Variants in GRIK2 observed in about 807,000 individuals in gnomAD.
GRIK2 encodes the protein glutamate ionotropic receptor kainate type subunit 2, also known as glutamate receptor ionotropic, kainate 2.
A neutral mutation model predicts 100.3 loss-of-function variants in GRIK2; 32 were observed. The observed-to-expected ratio is 0.32, with a 90% CI of 0.24 to 0.43. The LOEUF (loss-of-function observed/expected upper bound fraction) is 0.43. Among genes scored for constraint, GRIK2 ranks in the 20% least tolerant of loss-of-function variants. The probability of loss-of-function intolerance (pLI) is 1.00; values close to 1 mark genes in which losing one functional copy is unlikely to be tolerated. For missense variants in GRIK2, 843 were observed against 1,114.9 expected (o/e 0.76, Z 3.47); for synonymous variants, 417 against 389.4 (o/e 1.07, Z -0.83).
chr6:101,854,202 G>A (rs538979682), intron 10 of GRIK2, among the ~76,000 whole-genome samples: 7 of 152,246 alleles, frequency 4.6e-5, no homozygotes, highest in Admixed American at 1.3e-4. Flanking sequence ...TATGTGAAAT[G>A]TCTGTACCTT....
At chr6:102,042,447 T>TAAAC (rs1272032484) in intron 15 of GRIK2, among the ~76,000 whole-genome samples, 1 of 151,634 alleles carries the variant, frequency 6.6e-6, no homozygotes, top group East Asian at 1.9e-4. Flanking sequence ...ATATTGGACA[T>TAAAC]AAACAAATAC....
chr6:101,397,535 T>C (rs1775059472), intron 1 of GRIK2, among the ~76,000 whole-genome samples: 2 of 152,216 alleles, frequency 1.3e-5, no homozygotes, highest in Non-Finnish European at 2.9e-5. Context: ...AGTTATTGCC[T>C]CCATCTTAAA....
chr6:101,776,293 C>A (rs1189969117), intron 7 of GRIK2, among the ~76,000 whole-genome samples: 1 of 152,028 alleles, frequency 6.6e-6, no homozygotes, highest in African/African-American at 2.4e-5. Context: ...TTTGATTACC[C>A]TTATTAATTT....
intron 7 of GRIK2, among the ~76,000 whole-genome samples, chr6:101,786,100 A>C (rs1779405456): frequency 6.6e-6 from 1 of 151,968 alleles, no homozygotes; most frequent in Non-Finnish European, 1.5e-5. Context: ...TACCTTCTTG[A>C]TAGTTTGGCT....
intron 14 of GRIK2, among the ~76,000 whole-genome samples, chr6:102,030,282 T>C (rs969729735): frequency 6.6e-6 from 1 of 151,284 alleles, no homozygotes; most frequent in African/African-American, 2.4e-5. Context: ...TCCTTTCTTT[T>C]GAAACATCCG....
chr6:101,681,699 T>G (rs1337961008), intron 5 of GRIK2, among the ~76,000 whole-genome samples: 1 of 152,204 alleles, frequency 6.6e-6, no homozygotes, highest in Non-Finnish European at 1.5e-5. Context: ...AGAATGTAGT[T>G]GAGGCAGCTA....
rs113681259 is a variant in GRIK2 at position 101,536,215 on chromosome 6, G to A, written c.116-85734G>A. ...AAAGCGTTCAGGGATGATGTACATT[G>A]CTTCAACATACTCTATTCATGTTGT... On this transcript the variant is annotated intron_variant, in intron 2 of 16. Transcript: ENST00000369134. 8.1e-3 allele frequency among the ~76,000 whole-genome samples: 1,237 copies of A among 151,782 alleles called. 11 individuals are homozygous for A. Among genetic ancestry groups the A allele is most frequent in the African/African-American group, 0.028 (1,168 of 41,470 alleles).
At chr6:101,982,989 C>T (rs1028604968) in intron 14 of GRIK2, among the ~76,000 whole-genome samples, 2 of 151,748 alleles carry the variant, frequency 1.3e-5, no homozygotes, top group African/African-American at 4.8e-5. Flanking sequence ...AAAAACATGC[C>T]TAAAAGATGG....
At chr6:101,565,918 TA>T (rs1777238411) in intron 2 of GRIK2, among the ~76,000 whole-genome samples, 2 of 85,550 alleles carry the variant, frequency 2.3e-5, no homozygotes, top group African/African-American at 9.1e-5. Flanking sequence ...ACCTATTTTA[TA>T]TATATATATA....
chr6:101,446,789 T>TA (rs1323911761), intron 2 of GRIK2, among the ~76,000 whole-genome samples: 1 of 109,546 alleles, frequency 9.1e-6, no homozygotes, highest in Non-Finnish European at 1.8e-5. Context: ...AAACACTCTA[T>TA]ACACATGGCT....
Position 101,519,895 on chromosome 6 carries a change from A to G in GRIK2, c.116-102054A>G, listed in dbSNP as rs780357955. Among the ~76,000 whole-genome samples the G allele has an allele frequency of 6.4e-4, 98 of 152,104 alleles. 1 individual carries two copies. Among genetic ancestry groups the G allele is most frequent in the Non-Finnish European group, 2.2e-4 (15 of 68,010 alleles). On this transcript the variant is annotated intron_variant, in intron 2 of 16. Transcript: ENST00000369134. ...GTAGGATACATACAGAGAAGTTTTG[A>G]TGACTTGCCTATTTGTTTTCTTTTA... is the stretch of plus-strand genomic sequence containing the variant.
At chr6:101,636,264 C>T (rs1197792107) in intron 4 of GRIK2, among the ~76,000 whole-genome samples, 2 of 152,114 alleles carry the variant, frequency 1.3e-5, no homozygotes, top group Non-Finnish European at 2.9e-5. Flanking sequence ...GAAAACCAAA[C>T]ACCGCATGTT....
intron 14 of GRIK2, among the ~76,000 whole-genome samples, chr6:101,967,241 A>G (rs1218574099): frequency 6.6e-6 from 1 of 152,006 alleles, no homozygotes; most frequent in Non-Finnish European, 1.5e-5. Flanking sequence ...TAAATTGCCT[A>G]CTTGTATATT....
At chr6:102,001,847 G>A (rs934175607) in intron 14 of GRIK2, among the ~76,000 whole-genome samples, 1 of 151,630 alleles carries the variant, frequency 6.6e-6, no homozygotes, top group Non-Finnish European at 1.5e-5. Context: ...ATATGAAATT[G>A]TGCTATTTTC....
chr6:101,886,820 CTTTTTTTTTTTTT>C (rs3054431), intron 11 of GRIK2, among the ~76,000 whole-genome samples: 1 of 73,310 alleles, frequency 1.4e-5, no homozygotes, highest in Non-Finnish European at 2.5e-5. Context: ...TTCTTTCTAC[CTTTTTTTTTTTTT>C]TTTTTTTTTT....
intron 2 of GRIK2, among the ~76,000 whole-genome samples, chr6:101,546,916 C>T (rs1473484627): frequency 2.1e-5 from 3 of 143,944 alleles, no homozygotes; most frequent in East Asian, 2.0e-4. Flanking sequence ...CTGCAAGCTC[C>T]GCCTCCCGGG....
In GRIK2 at chr6:101,823,108, GTC is replaced by G. The variant is rs769166550; in HGVS notation, c.1317+4629_1317+4630del. On this transcript the variant is annotated intron_variant, in intron 10 of 16. Transcript: ENST00000369134. ...CTTGCGTGAATATGTTGGGTTTCTA[GTC>G]TCTGCACTCCCCTCATTTAGTACTT... Among the ~76,000 whole-genome samples the G allele has an allele frequency of 6.6e-5, 10 of 152,212 alleles. No homozygotes were observed. In the East Asian group the frequency reaches 1.5e-3, roughly 24 times the overall value.
chr6:101,537,416 ATGTGTGTGTGTTTG>A lies in GRIK2; in HGVS notation c.116-84508_116-84495del, dbSNP rs1387836527. Among the ~76,000 whole-genome samples the A allele has an allele frequency of 1.8e-4, 25 of 142,792 alleles. 1 individual carries two copies. In the East Asian group the frequency reaches 4.3e-3, roughly 24 times the overall value. 93.7% of individuals were successfully genotyped at this position (142,792 alleles called of 152,430 possible). A position where few individuals can be genotyped will look rare whatever the true frequency, so the allele number is the denominator to read the frequency against. On this transcript the variant is annotated intron_variant, in intron 2 of 16. Transcript: ENST00000369134. ...TTTATGTACCCAAAATAAGAGTAGA[ATGTGTGTGTGTTTG>A]TGTGTGTGTGTTTGTGTGTGTGTGC...
intron 2 of GRIK2, among the ~76,000 whole-genome samples, chr6:101,549,320 G>A (rs556767458): frequency 6.6e-6 from 1 of 151,544 alleles, no homozygotes; most frequent in Admixed American, 6.6e-5. Context: ...TGTGGTAGAT[G>A]GGGCCAGCCT....
Sources: gnomAD v4.1 joint callset for allele counts (sites outside exome capture counted in the v4.1 genomes callset) on GRCh38, gnomAD v4.1.1 for gene constraint, MANE v1.5 for transcripts, NCBI Gene and HGNC (gene_info 2026-07-23, HGNC 2026-07-21) for gene names.